ABTB3: variants seen among roughly 807,000 people sequenced by gnomAD.
ABTB3 encodes the protein ankyrin repeat and BTB domain containing 3.
the ABTB3 span, among the ~76,000 whole-genome samples, chr12:107,583,203 C>T: frequency 6.6e-6 from 1 of 152,208 alleles, no homozygotes; most frequent in Admixed American, 6.5e-5. Context: ...TCCATTCAAA[C>T]AATGCCTGAA....
chr12:107,394,171 AT>A, the ABTB3 span, among the ~76,000 whole-genome samples: 1 of 152,102 alleles, frequency 6.6e-6, no homozygotes, highest in African/African-American at 2.4e-5. Flanking sequence ...TGCACACATC[AT>A]CTTGCGTGAT....
At chr12:107,401,610 C>T in the ABTB3 span, among the ~76,000 whole-genome samples, 9 of 152,096 alleles carry the variant, frequency 5.9e-5, no homozygotes, top group South Asian at 2.1e-4. Context: ...TGATCTTGAG[C>T]GGATGCCCTG....
At chr12:107,454,057 G>A in the ABTB3 span, among the ~76,000 whole-genome samples, 1 of 152,252 alleles carries the variant, frequency 6.6e-6, no homozygotes, top group African/African-American at 2.4e-5. Context: ...TGAAGGTGGA[G>A]ACCTTGTCTT....
chr12:107,649,714 A>C, the ABTB3 span: 1 of 168,242 alleles, frequency 5.9e-6, no homozygotes, highest in African/African-American at 2.4e-5. Context: ...CTCAAATCAC[A>C]ACACTGTCTG....
chr12:107,416,232 C>G, the ABTB3 span, among the ~76,000 whole-genome samples: 3 of 152,160 alleles, frequency 2.0e-5, no homozygotes, highest in Non-Finnish European at 4.4e-5. Flanking sequence ...CCTTCCATTC[C>G]TTGTGCAATT....
the ABTB3 span, among the ~76,000 whole-genome samples, chr12:107,379,473 C>T: frequency 2.0e-5 from 3 of 152,224 alleles, no homozygotes; most frequent in East Asian, 1.9e-4. Flanking sequence ...TGCCTGCCGC[C>T]GTGTAAGACG....
At chr12:107,508,557 C>A in the ABTB3 span, among the ~76,000 whole-genome samples, 3 of 146,420 alleles carry the variant, frequency 2.0e-5, no homozygotes, top group Non-Finnish European at 4.5e-5. Context: ...GGGGTTCAAG[C>A]AATTCTCCTG....
the ABTB3 span, among the ~76,000 whole-genome samples, chr12:107,599,068 GTGT>G: frequency 6.6e-6 from 1 of 152,162 alleles, no homozygotes; most frequent in Non-Finnish European, 1.5e-5. Context: ...CTTGGTTTAG[GTGT>G]TGTTTCAAGG....
chr12:107,603,869 C>T, the ABTB3 span, among the ~76,000 whole-genome samples: 5 of 152,142 alleles, frequency 3.3e-5, no homozygotes, highest in African/African-American at 1.2e-4. Flanking sequence ...GGAAATTATC[C>T]GATTAAAAAA....
chr12:107,629,225 T>C, the ABTB3 span, among the ~76,000 whole-genome samples: 2 of 147,054 alleles, frequency 1.4e-5, no homozygotes, highest in Non-Finnish European at 3.0e-5. Context: ...AAGACCAGCC[T>C]GGACAACATA....
the ABTB3 span, among the ~76,000 whole-genome samples, chr12:107,499,227 A>G: frequency 6.6e-6 from 1 of 152,134 alleles, no homozygotes; most frequent in Non-Finnish European, 1.5e-5. Context: ...AACACAGTAC[A>G]AACTTTCAAA....
the ABTB3 span, among the ~76,000 whole-genome samples, chr12:107,414,197 C>G: frequency 6.6e-6 from 1 of 152,068 alleles, no homozygotes; most frequent in Non-Finnish European, 1.5e-5. Context: ...GGTTCCAATA[C>G]TTTTTCAGCC....
At chr12:107,477,991 A>T in the ABTB3 span, among the ~76,000 whole-genome samples, 38 of 152,226 alleles carry the variant, frequency 2.5e-4, no homozygotes, top group Admixed American at 3.3e-4. Context: ...ATTTCCTCTA[A>T]GCCCTTTGGG....
chr12:107,613,578 C>T, the ABTB3 span, among the ~76,000 whole-genome samples: 14 of 152,078 alleles, frequency 9.2e-5, no homozygotes, highest in Admixed American at 3.3e-4. Context: ...ATCTGCAGAA[C>T]GGGAAAATAA....
At chr12:107,506,355 G>A in the ABTB3 span, among the ~76,000 whole-genome samples, 5 of 152,122 alleles carry the variant, frequency 3.3e-5, no homozygotes, top group Non-Finnish European at 7.4e-5. Flanking sequence ...AATACTGTAA[G>A]CACACTCAAA....
At chr12:107,563,640 GA>G in the ABTB3 span, among the ~76,000 whole-genome samples, 290 of 148,934 alleles carry the variant, frequency 1.9e-3, 1 homozygote, top group African/African-American at 4.3e-3. Flanking sequence ...GAGGAAGAGG[GA>G]AAAAAAAAAC....
At chr12:107,639,999 A>G in the ABTB3 span, among the ~76,000 whole-genome samples, 1 of 152,196 alleles carries the variant, frequency 6.6e-6, no homozygotes, top group African/African-American at 2.4e-5. Flanking sequence ...GAGCCCTGAG[A>G]GAGAGCAGCA....
chr12:107,318,973 A>G, the ABTB3 span: 1 of 1,613,428 alleles, frequency 6.2e-7, no homozygotes, highest in South Asian at 1.1e-5. Flanking sequence ...CCGTGGTGAG[A>G]ACGCTGGAGG....
At chr12:107,537,426 A>G in the ABTB3 span, among the ~76,000 whole-genome samples, 2 of 152,336 alleles carry the variant, frequency 1.3e-5, no homozygotes, top group South Asian at 4.1e-4. Flanking sequence ...GGTGATGGAT[A>G]TGGTAATTAC....
Sources: gnomAD v4.1 joint callset for allele counts (sites outside exome capture counted in the v4.1 genomes callset) on GRCh38, gnomAD v4.1.1 for gene constraint, MANE v1.5 for transcripts, NCBI Gene and HGNC (gene_info 2026-07-23, HGNC 2026-07-21) for gene names.